Variants in GRIK3 observed in about 807,000 individuals in gnomAD.
The protein encoded by GRIK3 is glutamate ionotropic receptor kainate type subunit 3.
In GRIK3, 29 loss-of-function variants were observed where a neutral mutation model predicts 102.5. The ratio of observed to expected loss-of-function variants is 0.28; its 90% CI spans 0.21 to 0.39. GRIK3 has a LOEUF of 0.39. Among genes scored for constraint, GRIK3 ranks in the 10% least tolerant of loss-of-function variants. The probability of loss-of-function intolerance (pLI) is 1.00; values close to 1 mark genes in which losing one functional copy is unlikely to be tolerated. For synonymous variants in GRIK3, 511 were observed against 504.9 expected, an observed-to-expected ratio of 1.01 and a Z score of -0.16; for missense variants, 908 against 1,252.4, an observed-to-expected ratio of 0.73 and a Z score of 4.15.
At chr1:36,884,468 C>G (rs1250940456) in intron 2 of GRIK3, among the ~76,000 whole-genome samples, 1 of 152,144 alleles carries the variant, frequency 6.6e-6, no homozygotes, top group Non-Finnish European at 1.5e-5. Context: ...AACCTTGTCC[C>G]CTTCAGATTA....
At chr1:36,882,679 C>T (rs1212092535) in intron 2 of GRIK3, among the ~76,000 whole-genome samples, 1 of 152,122 alleles carries the variant, frequency 6.6e-6, no homozygotes, top group African/African-American at 2.4e-5. Context: ...ATGAGATCCA[C>T]TGGACTGAGA....
intron 1 of GRIK3, among the ~76,000 whole-genome samples, chr1:36,925,253 G>A (rs546957265): frequency 4.6e-5 from 7 of 152,216 alleles, no homozygotes; most frequent in East Asian, 1.9e-4. Flanking sequence ...GAAACATACC[G>A]GAATACACAC....
chr1:36,826,249 G>T (rs747479413), intron 10 of GRIK3, among the ~76,000 whole-genome samples: 18 of 152,214 alleles, frequency 1.2e-4, no homozygotes, highest in Non-Finnish European at 2.5e-4. Flanking sequence ...GCACCACAAT[G>T]CTTATTTAAT....
rs1442246184 is a variant in GRIK3, at chr1:36,819,366, C to A, written c.1873+370G>T. Among the ~76,000 whole-genome samples the A allele has an allele frequency of 6.6e-6, 1 of 152,214 alleles. No individual in the cohort carries two copies. Among genetic ancestry groups the A allele is most frequent in the Non-Finnish European group, 1.5e-5 (1 of 68,034 alleles). ...CTCCCTGCCTCTGGTCTCCTTCCAT[C>A]CACAGCCCAACTTGCTCAGCTGGAT... is the stretch of plus-strand genomic sequence containing the variant. On this transcript the variant is annotated intron_variant, in intron 12 of 15. Coordinates refer to ENST00000373091, the MANE Select transcript of GRIK3 (RefSeq NM_000831.4). This position sits in a 1 kb window ranked among gnomAD's most constrained non-coding sequence, Gnocchi z 4.1.
At position 36,955,008 on chromosome 1, in the gene GRIK3, C is replaced by A. The variant is rs538110492; in HGVS notation, c.116-63912G>T. Among the ~76,000 whole-genome samples the A allele has an allele frequency of 3.3e-5, 5 of 152,328 alleles. No individual in the cohort carries two copies. The East Asian group carries it at 5.8e-4, about 18-fold the overall frequency. On this transcript the variant is annotated intron_variant, in intron 1 of 15. Transcript: ENST00000373091. ...TTTGAGAACAGGCAGGAAGCCCAAG[C>A]CAGCTCTACATTGGATGGTGGTGCT...
At chr1:36,991,575 G>A (rs1396370258) in intron 1 of GRIK3, among the ~76,000 whole-genome samples, 6 of 152,162 alleles carry the variant, frequency 3.9e-5, no homozygotes, top group East Asian at 1.9e-4. Context: ...GAAAAGCAAC[G>A]TGCCTACCAC....
chr1:36,970,930 T>G (rs1243729854), intron 1 of GRIK3, among the ~76,000 whole-genome samples: 1 of 152,192 alleles, frequency 6.6e-6, no homozygotes, highest in Admixed American at 6.5e-5. Context: ...ATTGGGCCAG[T>G]CCAGTAGGAA....
intron 1 of GRIK3, among the ~76,000 whole-genome samples, chr1:36,946,117 C>T (rs1444105884): frequency 6.6e-6 from 1 of 152,176 alleles, no homozygotes; most frequent in East Asian, 1.9e-4. Context: ...CAGTGCAAAG[C>T]CAGGTGCCTG....
At chr1:36,892,522 A>AG (rs1641129605) in intron 1 of GRIK3, among the ~76,000 whole-genome samples, 1 of 151,814 alleles carries the variant, frequency 6.6e-6, no homozygotes, top group Non-Finnish European at 1.5e-5. Flanking sequence ...GCACAAAAAA[A>AG]AAAAACACCT....
chr1:36,996,451 A>C (rs1461240576), intron 1 of GRIK3, among the ~76,000 whole-genome samples: 1 of 152,194 alleles, frequency 6.6e-6, no homozygotes, highest in Non-Finnish European at 1.5e-5. Flanking sequence ...TGGCATTCCC[A>C]AGACCTGGAT....
At chr1:36,823,953 C>G (rs1267418482) in intron 11 of GRIK3, among the ~76,000 whole-genome samples, 1 of 152,116 alleles carries the variant, frequency 6.6e-6, no homozygotes, top group Non-Finnish European at 1.5e-5. Flanking sequence ...TAATTATACC[C>G]ACCTCAAGAG....
chr1:36,862,770 C>T (rs1386039459), intron 5 of GRIK3, among the ~76,000 whole-genome samples: 2 of 152,128 alleles, frequency 1.3e-5, no homozygotes, highest in African/African-American at 2.4e-5. Context: ...GTTGAAAGTG[C>T]CACCTACCAT....
intron 3 of GRIK3, among the ~76,000 whole-genome samples, chr1:36,879,377 C>G (rs1640941721): frequency 3.3e-5 from 5 of 152,178 alleles, no homozygotes; most frequent in Middle Eastern, 6.8e-3. Flanking sequence ...GCCTATAGTT[C>G]CAGCTATTTG....
intron 1 of GRIK3, among the ~76,000 whole-genome samples, chr1:36,937,328 T>C (rs1641670557): frequency 6.6e-6 from 1 of 152,112 alleles, no homozygotes; most frequent in African/African-American, 2.4e-5. Context: ...AGCCACCACG[T>C]TCATGGAAGT....
intron 1 of GRIK3, among the ~76,000 whole-genome samples, chr1:36,897,193 G>A (rs1356111483): frequency 6.6e-6 from 1 of 152,102 alleles, no homozygotes; most frequent in Non-Finnish European, 1.5e-5. Flanking sequence ...AAGTCAGAAA[G>A]GAAGAAGTAA....
chr1:36,987,093 G>A (rs967407896), intron 1 of GRIK3, among the ~76,000 whole-genome samples: 1 of 152,226 alleles, frequency 6.6e-6, no homozygotes, highest in African/African-American at 2.4e-5. Flanking sequence ...CAAGGTTGAA[G>A]TATCAGAAGC....
chr1:36,943,487 G>T (rs371779517), intron 1 of GRIK3, among the ~76,000 whole-genome samples: 1 of 152,174 alleles, frequency 6.6e-6, no homozygotes, highest in East Asian at 1.9e-4. Context: ...GACCAGCAAG[G>T]TTATTTTCAG....
At chr1:36,930,647 C>G (rs964049896) in intron 1 of GRIK3, among the ~76,000 whole-genome samples, 4 of 152,224 alleles carry the variant, frequency 2.6e-5, no homozygotes, top group Non-Finnish European at 5.9e-5. Context: ...GAACTGTCCA[C>G]AGGCCTGACC....
Position 36,912,085 on chromosome 1 carries a change from C to T in GRIK3, c.116-20989G>A, listed in dbSNP as rs557595740. Among the ~76,000 whole-genome samples, 20 of 152,236 alleles carry T rather than the reference C, an allele frequency of 1.3e-4. No homozygotes were observed. The South Asian group carries it at 2.3e-3, about 17-fold the overall frequency. ...TGTCCTCACCCCATGCTGTTTCTCA[C>T]CACTCCCTTCACGCACACCTTCCTC... On this transcript the variant is annotated intron_variant, in intron 1 of 15. Coordinates refer to ENST00000373091, the MANE Select transcript of GRIK3 (RefSeq NM_000831.4).
Sources: allele counts gnomAD v4.1 joint callset (sites outside exome capture counted in the v4.1 genomes callset), GRCh38; gene constraint gnomAD v4.1.1; non-coding constraint Gnocchi (gnomAD v3.1); transcripts MANE v1.5; gene names NCBI Gene and HGNC (gene_info 2026-07-23, HGNC 2026-07-21).